Variants in PHIP observed in about 807,000 individuals in gnomAD.
PHIP encodes PHIP subunit of CUL4-Ring ligase complex.
PHIP carries 54 observed loss-of-function variants against 236.8 expected under a neutral mutation model. The observed-to-expected ratio is 0.23, with a 90% CI of 0.18 to 0.29. The LOEUF (loss-of-function observed/expected upper bound fraction) is 0.29, where lower values mean the gene tolerates loss of function less well. Among genes scored for constraint, PHIP ranks in the 10% least tolerant of loss-of-function variants. The pLI is 1.00. For missense variants in PHIP, 1,370 were observed against 2,190.8 expected, an observed-to-expected ratio of 0.63 and a Z score of 7.48; for synonymous variants, 756 against 718.9, an observed-to-expected ratio of 1.05 and a Z score of -0.83.
chr6:78,940,593 C>T lies in PHIP; in HGVS notation c.*100G>A. On this transcript the variant is annotated 3_prime_UTR_variant, in exon 40 of 40. Transcript: ENST00000275034. ...TTTTGCAAATCAAATCATAACATTC[C>T]CTACTCCACCACAGCAGCAAGGAAG... 5.5e-6 allele frequency: 1 copy of T among 180,856 alleles called. No homozygotes were observed. Among genetic ancestry groups the T allele is most frequent in the Non-Finnish European group, 1.1e-5 (1 of 94,940 alleles). The allele number at this position is 180,856 out of a possible 1,614,324, so 11.2% of individuals were successfully genotyped here.
chr6:78,937,670 T>A lies in PHIP; in HGVS notation c.*3023A>T, dbSNP rs1311423898. On this transcript the variant is annotated 3_prime_UTR_variant, in exon 40 of 40. Transcript: ENST00000275034. Reference sequence around the variant, plus strand: ...AGTGAAGTTGTGCAATAAAAACAATTGAAATAAGGCCAATCTTTAGTTTAT... The same window carrying A: ...AGTGAAGTTGTGCAATAAAAACAATAGAAATAAGGCCAATCTTTAGTTTAT... The A allele has an allele frequency of 1.4e-5, 2 of 140,044 alleles. No homozygotes were observed. Among genetic ancestry groups the A allele is most frequent in the East Asian group, 5.4e-4 (2 of 3,734 alleles). The allele number at this position is 140,044 out of a possible 1,614,324, so 8.7% of individuals were successfully genotyped here. A position where few individuals can be genotyped will look rare whatever the true frequency, so the allele number is the denominator to read the frequency against.
intron 15 of PHIP, among the ~76,000 whole-genome samples, chr6:79,012,234 G>A (rs1430835931): frequency 1.3e-5 from 2 of 151,508 alleles, no homozygotes; most frequent in Non-Finnish European, 3.0e-5. Context: ...CAAAAAGCAG[G>A]AGAAATATTA....
Position 78,962,928 on chromosome 6 carries a change from T to C in PHIP, c.3535+169A>G, listed in dbSNP as rs529432087. Among the ~76,000 whole-genome samples, 3 of 152,312 alleles carry C rather than the reference T, an allele frequency of 2.0e-5. No homozygotes were observed. The East Asian group carries it at 5.8e-4, about 29-fold the overall frequency. The stretch of plus-strand genomic sequence containing the variant: ...TAACCTAATTTATAACTGTTTTAAA[T>C]AGTTAAGTCCTGTGTTAAGACCACA... On this transcript the variant is annotated intron_variant, in intron 30 of 39. Transcript: ENST00000275034.
intron 4 of PHIP, among the ~76,000 whole-genome samples, chr6:79,067,273 C>T (rs1186051605): frequency 6.6e-6 from 1 of 152,134 alleles, no homozygotes; most frequent in African/African-American, 2.4e-5. Context: ...TGATGCCATC[C>T]CATTGAGATT....
rs569526554 is a variant in PHIP at position 78,971,809 on chromosome 6, C to T, written c.2890-921G>A. ...TCGGGTCACTCCCACCCGAATACTG[C>T]GCTTTTCCAATGGGCTTAAAAAACG... On this transcript the variant is annotated intron_variant, in intron 24 of 39. Coordinates refer to ENST00000275034, the MANE Select transcript of PHIP (RefSeq NM_017934.7). Among the ~76,000 whole-genome samples the T allele has an allele frequency of 1.8e-3, 271 of 152,284 alleles. 1 individual carries two copies. The highest frequency in any genetic ancestry group is 0.017 in the Middle Eastern group (5 of 294).
intron 7 of PHIP, among the ~76,000 whole-genome samples, chr6:79,038,410 C>T (rs1238071031): frequency 6.6e-6 from 1 of 152,212 alleles, no homozygotes; most frequent in East Asian, 1.9e-4. Flanking sequence ...CTAAAGCCCT[C>T]ACCTCTTAAT....
At position 79,019,286 on chromosome 6, in the gene PHIP, A is replaced by G. The variant is rs368722519; in HGVS notation, c.924-127T>C. ...GCAACAGATGGCTCCCTTCCTAAAAACAACTTAGAAATCATTATGTGTCAT... is the reference window on the plus strand; with the variant it reads ...GCAACAGATGGCTCCCTTCCTAAAAGCAACTTAGAAATCATTATGTGTCAT... On this transcript the variant is annotated intron_variant, in intron 9 of 39. Coordinates refer to ENST00000275034, the MANE Select transcript of PHIP (RefSeq NM_017934.7). 1.5e-4 allele frequency: 99 copies of G among 647,540 alleles called. 2 individuals carry two copies. The South Asian group carries it at 1.9e-3, about 12-fold the overall frequency. 40.1% of individuals were successfully genotyped at this position (647,540 alleles called of 1,614,324 possible). A position where few individuals can be genotyped will look rare whatever the true frequency, so the allele number is the denominator to read the frequency against.
At chr6:78,979,306 C>G (rs1009008991) in intron 23 of PHIP, among the ~76,000 whole-genome samples, 1 of 152,070 alleles carries the variant, frequency 6.6e-6, no homozygotes, top group African/African-American at 2.4e-5. Flanking sequence ...AGCCAACACT[C>G]ACAACAAGGT....
intron 30 of PHIP, among the ~76,000 whole-genome samples, chr6:78,962,653 A>C (rs2127698683): frequency 6.6e-6 from 1 of 152,262 alleles, no homozygotes; most frequent in Admixed American, 6.5e-5. Context: ...TCTTTTAACA[A>C]GGCAGAGCAA....
intron 4 of PHIP, among the ~76,000 whole-genome samples, chr6:79,069,675 C>T (rs1377919320): frequency 6.6e-6 from 1 of 152,072 alleles, no homozygotes; most frequent in African/African-American, 2.4e-5. Flanking sequence ...TGATTAAAAA[C>T]TTAATAGAAC....
At chr6:79,021,773 A>G (rs1771128197) in intron 9 of PHIP, among the ~76,000 whole-genome samples, 2 of 152,224 alleles carry the variant, frequency 1.3e-5, no homozygotes, top group South Asian at 4.1e-4. Flanking sequence ...TAATGAGTAC[A>G]AAACTAATAG....
intron 9 of PHIP, among the ~76,000 whole-genome samples, chr6:79,020,211 C>A (rs1356317734): frequency 6.6e-6 from 1 of 151,070 alleles, no homozygotes; most frequent in Non-Finnish European, 1.5e-5. Flanking sequence ...GCAAAAACTG[C>A]AATTATTTTT....
At position 79,026,028 on chromosome 6, in the gene PHIP, T is replaced by C; in HGVS notation, c.737A>G (p.Asp246Gly). 6.2e-7 allele frequency: 1 copy of C among 1,614,150 alleles called. No individual in the cohort carries two copies. ...ENTMIAAGSC[D>G]KMIRVWCLRT... ...AAGACACCAGACTCGGATCATTTTATCACAACTTCCAGCTGCTATCATGGT... is the reference window on the plus strand; with the variant it reads ...AAGACACCAGACTCGGATCATTTTACCACAACTTCCAGCTGCTATCATGGT... Residue 246 changes from aspartate (D) to glycine (G), a missense_variant, in exon 8 of 40, where the codon GAT (aspartate) becomes GGT (glycine). Physicochemically the swap from Asp to Gly is moderately conservative, Grantham distance 94 (BLOSUM62 -1). Coordinates refer to ENST00000275034, the MANE Select transcript of PHIP (RefSeq NM_017934.7).
rs1766331076 is a variant in PHIP, at chr6:78,955,139, TC to T, written c.3903+92del. 14 of 926,306 alleles carry T rather than the reference TC, an allele frequency of 1.5e-5. No individual in the cohort carries two copies. The South Asian group carries it at 2.4e-4, about 16-fold the overall frequency. 57.4% of individuals were successfully genotyped at this position (926,306 alleles called of 1,614,324 possible). On this transcript the variant is annotated intron_variant, in intron 34 of 39. Coordinates refer to ENST00000275034, the MANE Select transcript of PHIP (RefSeq NM_017934.7). Reference sequence around the variant, plus strand: ...TGAAACTAATTTGAAATACTTAATGTCTTTTAAAATGCTAAGAGTAAAAAAA... The same window carrying T: ...TGAAACTAATTTGAAATACTTAATGTTTTTAAAATGCTAAGAGTAAAAAAA...
chr6:79,003,868 AT>A lies in PHIP; in HGVS notation c.1525-11del. ...GTCCTTGGCCTTCAATCTGAAATAT[AT>A]TTAACCAACAGTAAGAAAACTACCA... On this transcript the variant is annotated splice_polypyrimidine_tract_variant and intron_variant, in intron 15 of 39. Coordinates refer to ENST00000275034, the MANE Select transcript of PHIP (RefSeq NM_017934.7). 1 of 1,563,098 alleles carries A rather than the reference AT, an allele frequency of 6.4e-7. No homozygotes were observed. Among genetic ancestry groups the A allele is most frequent in the South Asian group, 1.2e-5 (1 of 83,536 alleles).
Position 79,027,812 on chromosome 6 carries a change from T to C in PHIP, c.601-1648A>G, listed in dbSNP as rs146466741. ...TAGAGTCTCACGCAAGAAGAGGCAATGTAATGTAGCTTAGAGGACAGCCTT... is the reference window on the plus strand; with the variant it reads ...TAGAGTCTCACGCAAGAAGAGGCAACGTAATGTAGCTTAGAGGACAGCCTT... On this transcript the variant is annotated intron_variant, in intron 7 of 39. Transcript: ENST00000275034. 1.7e-3 allele frequency among the ~76,000 whole-genome samples: 265 copies of C among 152,070 alleles called. 1 individual carries two copies. The highest frequency in any genetic ancestry group is 6.1e-3 in the African/African-American group (251 of 41,470).
At position 78,945,351 on chromosome 6, in the gene PHIP, C is replaced by G; in HGVS notation, c.4777G>C (p.Val1593Leu). 6.2e-7 allele frequency: 1 copy of G among 1,613,760 alleles called. No homozygotes were observed. The highest frequency in any genetic ancestry group is 8.5e-7 in the Non-Finnish European group (1 of 1,179,736). ...KPVKRKMKSS[V>L]LPKASTLSKS... ...GAAAGAGTGGACGCCTTTGGGAGTA[C>G]AGATGACTTCATTTTACGTTTGACT... The change falls in exon 39 of 40, where the codon GTA (valine) becomes CTA (leucine). Residue 1593 changes from valine (V) to leucine (L), a missense_variant. Physicochemically the swap from Val to Leu is conservative, Grantham distance 32. Coordinates refer to ENST00000275034, the MANE Select transcript of PHIP (RefSeq NM_017934.7).
At chr6:78,984,281 T>C (rs1340728430) in intron 22 of PHIP, among the ~76,000 whole-genome samples, 1 of 152,218 alleles carries the variant, frequency 6.6e-6, no homozygotes, top group Non-Finnish European at 1.5e-5. Context: ...TAAAATGATT[T>C]TTAAGAACTT....
intron 7 of PHIP, among the ~76,000 whole-genome samples, chr6:79,040,108 A>C (rs1434983771): frequency 6.6e-6 from 1 of 152,132 alleles, no homozygotes; most frequent in Non-Finnish European, 1.5e-5. Context: ...AAACCTAATG[A>C]CTGCTTTCTA....
Sources: allele counts gnomAD v4.1 joint callset (sites outside exome capture counted in the v4.1 genomes callset), GRCh38; gene constraint gnomAD v4.1.1; transcripts MANE v1.5; gene names NCBI Gene and HGNC (gene_info 2026-07-23, HGNC 2026-07-21).